The following TANGO6 variants were observed in gnomAD, a reference collection of about 807,000 sequenced individuals.
The protein encoded by TANGO6 is transport and golgi organization 6 homolog.
In TANGO6, 90 loss-of-function variants were observed where a neutral mutation model predicts 114.2. The ratio of observed to expected loss-of-function variants is 0.79; its 90% confidence interval spans 0.66 to 0.94. The LOEUF (loss-of-function observed/expected upper bound fraction) is 0.94. Among genes scored for constraint, TANGO6 ranks in the 40% least tolerant of loss-of-function variants. The pLI is 0.00. For synonymous variants in TANGO6, 477 were observed against 509.8 expected, an observed-to-expected ratio of 0.94 and a Z score of 0.87; for missense variants, 1,274 against 1,315.3, an observed-to-expected ratio of 0.97 and a Z score of 0.49.
rs79291838 is a variant in TANGO6, at chr16:68,949,328, T to C, written c.2701+19033T>C. On this transcript the variant is annotated intron_variant, in intron 14 of 17. Coordinates refer to ENST00000261778, the MANE Select transcript of TANGO6 (RefSeq NM_024562.2). ...GGTGCCAATAAATGACATTTAAAAA[T>C]AGCTTACCTTGGCCAGGCATGATGG... is the stretch of plus-strand genomic sequence containing the variant. Among the ~76,000 whole-genome samples the C allele has an allele frequency of 3.0e-4, 46 of 151,652 alleles. No individual in the cohort carries two copies. In the East Asian group the frequency reaches 6.5e-3, roughly 21 times the overall value.
chr16:68,914,192 G>A (rs1437149021), intron 11 of TANGO6, among the ~76,000 whole-genome samples: 1 of 152,068 alleles, frequency 6.6e-6, no homozygotes, highest in African/African-American at 2.4e-5. Flanking sequence ...ACAGAGTTTT[G>A]CTCTTGTTGC....
At chr16:68,938,413 C>G (rs1963320072) in intron 14 of TANGO6, among the ~76,000 whole-genome samples, 1 of 152,016 alleles carries the variant, frequency 6.6e-6, no homozygotes, top group Admixed American at 6.6e-5. Context: ...GTTTCAGTAG[C>G]TATTAGATAA....
At chr16:68,950,496 C>T (rs969769824) in intron 14 of TANGO6, among the ~76,000 whole-genome samples, 4 of 151,394 alleles carry the variant, frequency 2.6e-5, no homozygotes, top group African/African-American at 4.9e-5. Flanking sequence ...ACCTGGGAGG[C>T]GGAGGTTGCA....
At chr16:68,876,912 A>G (rs1962371518) in intron 5 of TANGO6, among the ~76,000 whole-genome samples, 1 of 152,154 alleles carries the variant, frequency 6.6e-6, no homozygotes, top group Non-Finnish European at 1.5e-5. Flanking sequence ...AATGTACTGT[A>G]ATTTATTTAA....
At chr16:68,981,848 A>T (rs1392427933) in intron 15 of TANGO6, among the ~76,000 whole-genome samples, 4 of 152,212 alleles carry the variant, frequency 2.6e-5, no homozygotes, top group Admixed American at 1.3e-4. Context: ...AGGATTAGGG[A>T]TGCTCAACCA....
intron 15 of TANGO6, among the ~76,000 whole-genome samples, chr16:68,993,868 A>C (rs947410529): frequency 6.6e-6 from 1 of 152,018 alleles, no homozygotes; most frequent in Non-Finnish European, 1.5e-5. Flanking sequence ...TTCCTTCCTG[A>C]TTATTACATT....
At chr16:68,957,484 A>G (rs1040011407) in intron 14 of TANGO6, among the ~76,000 whole-genome samples, 1 of 145,834 alleles carries the variant, frequency 6.9e-6, no homozygotes, top group Non-Finnish European at 1.5e-5. Flanking sequence ...CGCAGCCTCC[A>G]CCTCCCTGGT....
chr16:69,013,688 A>C, intron 15 of TANGO6, among the ~76,000 whole-genome samples: 3 of 128,526 alleles, frequency 2.3e-5, no homozygotes, highest in Non-Finnish European at 3.1e-5. Flanking sequence ...ACCAGGTCTC[A>C]CTCTGTCACA....
At chr16:68,985,498 C>T (rs533700629) in intron 15 of TANGO6, among the ~76,000 whole-genome samples, 26 of 151,992 alleles carry the variant, frequency 1.7e-4, no homozygotes, top group Non-Finnish European at 2.9e-4. Context: ...TCACTTGAGC[C>T]CAGGAGTTCA....
Position 68,909,299 on chromosome 16 carries a change from A to G in TANGO6, c.1889A>G (p.Gln630Arg). The change falls in exon 11 of 18, where the codon CAG (glutamine) becomes CGG (arginine). Residue 630 changes from glutamine (Q) to arginine (R), a missense_variant. Around this residue, in one of 5 missense-constraint regions of TANGO6, gnomAD observed 908 missense variants for 910.2 expected, o/e 1.00. Transcript: ENST00000261778. ...AGCCTCTTGGAATTAGAGCAACATC[A>G]GACTCTTCTTGTGGAAGGCCAAGAG... Reference protein sequence around the residue: ...SKSLLELEQHQTLLVEGQERK... With the variant: ...SKSLLELEQHRTLLVEGQERK... 1 of 1,611,620 alleles carries G rather than the reference A, an allele frequency of 6.2e-7. No homozygotes were observed. The highest frequency in any genetic ancestry group is 2.2e-5 in the East Asian group (1 of 44,774).
At chr16:68,931,688 A>T (rs1335440964) in intron 14 of TANGO6, among the ~76,000 whole-genome samples, 2 of 152,218 alleles carry the variant, frequency 1.3e-5, no homozygotes, top group Non-Finnish European at 2.9e-5. Flanking sequence ...AAATATCCAG[A>T]ATAGGCAGTT....
At chr16:68,866,283 A>G (rs971805047) in intron 3 of TANGO6, among the ~76,000 whole-genome samples, 3 of 151,950 alleles carry the variant, frequency 2.0e-5, no homozygotes, top group African/African-American at 7.3e-5. Context: ...GCTCTTTTGA[A>G]GTCTGTATAG....
chr16:69,013,681 AG>A (rs1351548061), intron 15 of TANGO6, among the ~76,000 whole-genome samples: 1 of 134,308 alleles, frequency 7.4e-6, no homozygotes, highest in African/African-American at 2.9e-5. Flanking sequence ...TTCCGAGACC[AG>A]GTCTCACTCT....
rs143857422 is a variant in TANGO6 at position 69,022,455 on chromosome 16, G to A, written c.2843-373G>A. 5.4e-3 allele frequency among the ~76,000 whole-genome samples: 827 copies of A among 152,282 alleles called. 8 individuals are homozygous for A. The highest frequency in any genetic ancestry group is 0.019 in the African/African-American group (789 of 41,572). On this transcript the variant is annotated intron_variant, in intron 15 of 17. Coordinates refer to ENST00000261778, the MANE Select transcript of TANGO6 (RefSeq NM_024562.2). Reference sequence around the variant, plus strand: ...ACGGTGACTCACTCCTGTAATCCCAGCACTTTGGGAGGCCAAGGCAGATGG... The same window carrying A: ...ACGGTGACTCACTCCTGTAATCCCAACACTTTGGGAGGCCAAGGCAGATGG...
chr16:68,845,656 T>C (rs1043023612), intron 1 of TANGO6, among the ~76,000 whole-genome samples: 4 of 151,954 alleles, frequency 2.6e-5, no homozygotes, highest in African/African-American at 7.2e-5. Context: ...CTGGGCAACA[T>C]AGTGATACTC....
At chr16:68,858,264 A>G (rs1171846658) in intron 1 of TANGO6, among the ~76,000 whole-genome samples, 5 of 152,160 alleles carry the variant, frequency 3.3e-5, no homozygotes, top group African/African-American at 1.2e-4. Flanking sequence ...GGGTTTCACC[A>G]TGTTGGCCAG....
At chr16:68,923,311 G>T (rs887146710) in intron 12 of TANGO6, among the ~76,000 whole-genome samples, 4 of 152,122 alleles carry the variant, frequency 2.6e-5, no homozygotes, top group African/African-American at 9.7e-5. Context: ...TTGGCAGAAA[G>T]GTTACCAGGA....
rs572164893 is a variant in TANGO6, at chr16:68,905,484, C to T, written c.1668-1959C>T. Among the ~76,000 whole-genome samples, 35 of 150,334 alleles carry T rather than the reference C, an allele frequency of 2.3e-4. No homozygotes were observed. In the South Asian group the frequency reaches 6.9e-3, roughly 30 times the overall value. On this transcript the variant is annotated intron_variant, in intron 9 of 17. Coordinates refer to ENST00000261778, the MANE Select transcript of TANGO6 (RefSeq NM_024562.2). ...CCAGGAGGTGGAGGTTGCAGTGAGC[C>T]GAGATTGCGCCATTGCACTCCAGCC...
chr16:68,852,914 C>T (rs1400961871), intron 1 of TANGO6, among the ~76,000 whole-genome samples: 1 of 152,082 alleles, frequency 6.6e-6, no homozygotes, highest in Non-Finnish European at 1.5e-5. Flanking sequence ...CCACAATTCA[C>T]ATTTTATTAT....
Sources: allele counts gnomAD v4.1 joint callset (sites outside exome capture counted in the v4.1 genomes callset), GRCh38; gene constraint gnomAD v4.1.1; regional missense constraint gnomAD v4.1.1; transcripts MANE v1.5; gene names NCBI Gene and HGNC (gene_info 2026-07-23, HGNC 2026-07-21).